Variants in PRCP observed in about 807,000 individuals in gnomAD.
The protein encoded by PRCP is prolylcarboxypeptidase.
Under a neutral mutation model 54.2 loss-of-function variants are expected in PRCP, and 46 were observed. That is an observed-to-expected ratio of 0.85 (90% confidence interval 0.67 to 1.09). The LOEUF (loss-of-function observed/expected upper bound fraction) is 1.09, where lower values mean the gene tolerates loss of function less well. Among genes scored for constraint, PRCP ranks in the 50% least tolerant of loss-of-function variants. PRCP has a pLI of 0.00. For missense variants in PRCP, 613 were observed against 596.8 expected (o/e 1.03, Z -0.28); for synonymous variants, 240 against 212.2 (o/e 1.13, Z -1.14).
chr11:82,824,769 C>CCT lies in PRCP; in HGVS notation c.*135_*136dup. 1 of 856,156 alleles carries CCT rather than the reference C, an allele frequency of 1.2e-6. No homozygotes were observed. 53.0% of individuals were successfully genotyped at this position (856,156 alleles called of 1,614,324 possible). On this transcript the variant is annotated 3_prime_UTR_variant, in exon 9 of 9. Transcript: ENST00000313010. ...GGACACTTGCTCTTACCGTCATCAC[C>CCT]CTCTATTCTATCTCAACTTTGGCCC...
intron 6 of PRCP, chr11:82,845,948 T>C (rs1858797927): frequency 6.6e-6 from 1 of 152,202 alleles, no homozygotes; most frequent in African/African-American, 2.4e-5. Flanking sequence ...GGAGTCTGAG[T>C]GTGCAAAGCC....
At chr11:82,854,131 C>A (rs770342066) in intron 2 of PRCP, among the ~76,000 whole-genome samples, 1 of 152,142 alleles carries the variant, frequency 6.6e-6, no homozygotes, top group Non-Finnish European at 1.5e-5. Flanking sequence ...TCTTATCCAA[C>A]ACGGCACTGG....
chr11:82,861,513 T>C (rs1427925957), intron 1 of PRCP, among the ~76,000 whole-genome samples: 1 of 152,186 alleles, frequency 6.6e-6, no homozygotes, highest in Non-Finnish European at 1.5e-5. Context: ...ATTTTGTTAG[T>C]ATCATCAATG....
intron 8 of PRCP, chr11:82,825,632 G>GGAAAGAAGAAAGGGAA (rs147608582): frequency 0.19 from 28,479 of 153,370 alleles, 3,098 homozygotes; most frequent in Admixed American, 0.25. Context: ...GGGAAAGGGA[G>GGAAAGAAGAAAGGGAA]GAAAGAAGAA....
intron 1 of PRCP, among the ~76,000 whole-genome samples, chr11:82,894,816 A>T (rs1309885518): frequency 6.6e-6 from 1 of 152,232 alleles, no homozygotes; most frequent in Admixed American, 6.5e-5. Context: ...TATTGTTATC[A>T]AGAGAAGAAG....
At chr11:82,854,614 A>C (rs1485653169) in intron 2 of PRCP, among the ~76,000 whole-genome samples, 1 of 152,146 alleles carries the variant, frequency 6.6e-6, no homozygotes, top group African/African-American at 2.4e-5. Flanking sequence ...TATTGCTATC[A>C]AATTACCAAC....
chr11:82,834,683 A>T (rs1858473324), intron 8 of PRCP, among the ~76,000 whole-genome samples: 1 of 152,194 alleles, frequency 6.6e-6, no homozygotes, highest in African/African-American at 2.4e-5. Flanking sequence ...CTCATTTATA[A>T]GTGGGAGCTG....
chr11:82,900,257 G>T lies in PRCP; in HGVS notation c.146C>A (p.Ser49Ter), dbSNP rs1860236761. 1 of 1,614,204 alleles carries T rather than the reference G, an allele frequency of 6.2e-7. No individual in the cohort carries two copies. The highest frequency in any genetic ancestry group is 1.1e-5 in the South Asian group (1 of 91,080). Reference protein sequence around the residue: ...TSLPAVAKNYSVLYFQQKVDH... With the variant: ...TSLPAVAKNY ...TACCTTCTGTTGGAAGTAGAGAACC[G>T]AATAGTTCTTGGCTACAGCCGGGAG... The change falls in exon 1 of 9, where the codon TCG (serine) becomes TAG (stop). Residue 49 changes from serine (S) to a stop codon, truncating the protein, a stop_gained. Transcript: ENST00000313010. LOFTEE classifies it high-confidence loss of function.
At chr11:82,896,003 C>T (rs1034940133) in intron 1 of PRCP, among the ~76,000 whole-genome samples, 3 of 152,190 alleles carry the variant, frequency 2.0e-5, no homozygotes, top group African/African-American at 7.2e-5. Flanking sequence ...AAACAATGAT[C>T]AGCAGTTAAA....
intron 6 of PRCP, among the ~76,000 whole-genome samples, chr11:82,847,079 C>G (rs79125232): frequency 5.3e-5 from 8 of 152,194 alleles, no homozygotes; most frequent in African/African-American, 1.9e-4. Context: ...AACTATATGG[C>G]TCGCAAAGCC....
intron 1 of PRCP, among the ~76,000 whole-genome samples, chr11:82,886,954 G>A (rs867334152): frequency 7.9e-5 from 12 of 152,164 alleles, no homozygotes; most frequent in African/African-American, 2.2e-4. Flanking sequence ...GTATGTAAAT[G>A]GAAATAATGA....
chr11:82,868,730 T>A (rs1281124310), intron 1 of PRCP, among the ~76,000 whole-genome samples: 1 of 151,976 alleles, frequency 6.6e-6, no homozygotes, highest in Non-Finnish European at 1.5e-5. Context: ...GGGGAAGACA[T>A]GGGAGATGAG....
At chr11:82,827,905 A>G (rs1364336864) in intron 8 of PRCP, 1 of 152,218 alleles carries the variant, frequency 6.6e-6, no homozygotes, top group Non-Finnish European at 1.5e-5. Flanking sequence ...TAAATATGAG[A>G]TGTCTTTCCA....
Position 82,872,216 on chromosome 11 carries a change from T to C in PRCP, c.169-12099A>G, listed in dbSNP as rs755754715. Among the ~76,000 whole-genome samples, 32 of 152,118 alleles carry C rather than the reference T, an allele frequency of 2.1e-4. 2 individuals carry two copies. The highest frequency in any genetic ancestry group is 4.0e-4 in the Non-Finnish European group (27 of 68,002). ...CGACATCTCTGGCATCTACTGGGGGTCTTGAAACGTATCCCCCGCGAAGAA... is the reference window on the plus strand; with the variant it reads ...CGACATCTCTGGCATCTACTGGGGGCCTTGAAACGTATCCCCCGCGAAGAA... On this transcript the variant is annotated intron_variant, in intron 1 of 8. Coordinates refer to ENST00000313010, the MANE Select transcript of PRCP (RefSeq NM_005040.4).
At chr11:82,894,793 GT>G (rs1249976356) in intron 1 of PRCP, among the ~76,000 whole-genome samples, 1 of 152,180 alleles carries the variant, frequency 6.6e-6, no homozygotes, top group African/African-American at 2.4e-5. Flanking sequence ...CAGAAAGACA[GT>G]GTTAGATTTA....
chr11:82,858,916 T>C (rs1350811309), intron 2 of PRCP: 1 of 152,204 alleles, frequency 6.6e-6, no homozygotes, highest in East Asian at 1.9e-4. Context: ...CTTAGATTCT[T>C]AACATTCCTA....
At chr11:82,877,004 C>A (rs781614390) in intron 1 of PRCP, among the ~76,000 whole-genome samples, 21 of 152,146 alleles carry the variant, frequency 1.4e-4, no homozygotes, top group Non-Finnish European at 2.5e-4. Context: ...GTGATATGAA[C>A]AACAAGGTCC....
Position 82,824,979 on chromosome 11 carries a change from G to A in PRCP, c.1418C>T (p.Ala473Val), listed in dbSNP as rs1371185719. ...NALDPMSVLL[A>V]RSLEVRHMKN... ...CATATGTCTAACTTCCAAGGAGCGG[G>A]CTAACAGCACAGACATAGGATCCAA... is the stretch of plus-strand genomic sequence containing the variant. The change falls in exon 9 of 9, where the codon GCC (alanine) becomes GTC (valine). Residue 473 changes from alanine to valine, a missense_variant. Physicochemically the swap from Ala to Val is moderately conservative, Grantham distance 64 (BLOSUM62 0). Transcript: ENST00000313010. 3 of 1,613,940 alleles carry A rather than the reference G, an allele frequency of 1.9e-6. No individual in the cohort carries two copies. The highest frequency in any genetic ancestry group is 1.7e-5 in the Admixed American group (1 of 59,988).
At chr11:82,867,413 G>A (rs1286409933) in intron 1 of PRCP, among the ~76,000 whole-genome samples, 1 of 152,148 alleles carries the variant, frequency 6.6e-6, no homozygotes, top group African/African-American at 2.4e-5. Flanking sequence ...AAAATATCCT[G>A]CCGTTGAGAA....
Sources: allele counts gnomAD v4.1 joint callset (sites outside exome capture counted in the v4.1 genomes callset), GRCh38; gene constraint gnomAD v4.1.1; transcripts MANE v1.5; gene names NCBI Gene and HGNC (gene_info 2026-07-23, HGNC 2026-07-21).